UGT1A10: variants seen among roughly 807,000 people sequenced by gnomAD.
UGT1A10 encodes the protein UDP glucuronosyltransferase family 1 member A10.
A neutral mutation model predicts 45.8 loss-of-function variants in UGT1A10; 49 were observed. The observed-to-expected ratio is 1.07, with a 90% confidence interval of 0.85 to 1.36. The LOEUF is 1.36. Ranked by LOEUF, UGT1A10 falls within the 40% of genes most tolerant of loss-of-function variation. The pLI is 0.00. For synonymous variants in UGT1A10, 284 were observed against 249.7 expected, an observed-to-expected ratio of 1.14 and a Z score of -1.29; for missense variants, 745 against 668.6, an observed-to-expected ratio of 1.11 and a Z score of -1.26.
chr2:233,717,657 C>T (rs2076595751), intron 1 of UGT1A10: 1 of 407,814 alleles, frequency 2.5e-6, no homozygotes, highest in South Asian at 1.8e-5. Context: ...GACAAGGAAG[C>T]ATCAGCAATC....
intron 1 of UGT1A10, among the ~76,000 whole-genome samples, chr2:233,659,970 G>A (rs1455673874): frequency 2.6e-5 from 4 of 152,128 alleles, no homozygotes; most frequent in Admixed American, 2.6e-4. Context: ...CTCAGGTGTG[G>A]TGTCTATTAG....
At chr2:233,706,081 C>A (rs1426237626) in intron 1 of UGT1A10, among the ~76,000 whole-genome samples, 2 of 151,228 alleles carry the variant, frequency 1.3e-5, no homozygotes, top group Non-Finnish European at 2.9e-5. Flanking sequence ...GGTGACAGAG[C>A]TAGATTCTGT....
chr2:233,711,393 C>T (rs2076178723), intron 1 of UGT1A10, among the ~76,000 whole-genome samples: 1 of 152,238 alleles, frequency 6.6e-6, no homozygotes, highest in South Asian at 2.1e-4. Context: ...AGGTGTGTTC[C>T]ACCCTCACCC....
chr2:233,690,976 A>T (rs1234875784), intron 1 of UGT1A10: 6 of 1,000,018 alleles, frequency 6.0e-6, no homozygotes, highest in East Asian at 1.1e-4. Flanking sequence ...TAAGAACAGG[A>T]CCCACATATG....
chr2:233,749,047 T>C (rs561305390), intron 1 of UGT1A10, among the ~76,000 whole-genome samples: 1 of 151,806 alleles, frequency 6.6e-6, no homozygotes, highest in Non-Finnish European at 1.5e-5. Flanking sequence ...TGTGGTACTC[T>C]GGGACCTGAA....
At position 233,718,962 on chromosome 2, in the gene UGT1A10, T is replaced by A. The variant is rs2011425; in HGVS notation, c.856-48072T>A. The stretch of plus-strand genomic sequence containing the variant: ...CCCCTGGCTCAGCATGCGGGAGGCC[T>A]TGCGGGAGCTCCATGCCAGAGGCCA... On this transcript the variant is annotated intron_variant, in intron 1 of 4. Coordinates refer to ENST00000344644, the MANE Select transcript of UGT1A10 (RefSeq NM_019075.4). 1.5e-5 allele frequency: 24 copies of A among 1,614,014 alleles called. No individual in the cohort carries two copies. In the South Asian group the frequency reaches 2.6e-4, roughly 18 times the overall value.
rs1379096490 is a variant in UGT1A10 at position 233,719,774 on chromosome 2, C to T, written c.856-47260C>T. ...TTACTTACAAGTGCTTCCATATCTA[C>T]TTATCTTTCCAAAGATTTTATTTTG... On this transcript the variant is annotated intron_variant, in intron 1 of 4. Coordinates refer to ENST00000344644, the MANE Select transcript of UGT1A10 (RefSeq NM_019075.4). 23 of 1,611,342 alleles carry T rather than the reference C, an allele frequency of 1.4e-5. No individual in the cohort carries two copies. The Admixed American group carries it at 3.8e-4, about 27-fold the overall frequency.
At chr2:233,705,964 C>T (rs2075881795) in intron 1 of UGT1A10, among the ~76,000 whole-genome samples, 1 of 152,112 alleles carries the variant, frequency 6.6e-6, no homozygotes, top group Non-Finnish European at 1.5e-5. Context: ...AGGTGCATGC[C>T]TGTGGTTCCG....
At chr2:233,692,541 G>C (rs2075101526) in intron 1 of UGT1A10, among the ~76,000 whole-genome samples, 1 of 152,154 alleles carries the variant, frequency 6.6e-6, no homozygotes, top group African/African-American at 2.4e-5. Context: ...ATTCAGTTCA[G>C]AATGGAATTG....
intron 1 of UGT1A10, among the ~76,000 whole-genome samples, chr2:233,642,767 G>C (rs7569014): frequency 6.6e-6 from 1 of 152,164 alleles, no homozygotes; most frequent in Non-Finnish European, 1.5e-5. Flanking sequence ...TTGCAGACTT[G>C]TAGATGTATT....
At chr2:233,643,149 C>T (rs1169877506) in intron 1 of UGT1A10, among the ~76,000 whole-genome samples, 1 of 152,212 alleles carries the variant, frequency 6.6e-6, no homozygotes, top group Non-Finnish European at 1.5e-5. Flanking sequence ...TGGCAAGGTC[C>T]CCCAGGCCCT....
At chr2:233,671,281 A>G (rs560940311) in intron 1 of UGT1A10, among the ~76,000 whole-genome samples, 5 of 152,346 alleles carry the variant, frequency 3.3e-5, no homozygotes, top group African/African-American at 7.2e-5. Flanking sequence ...TAGGAAAGCC[A>G]TTTAAAATAG....
chr2:233,642,953 C>T (rs906040579), intron 1 of UGT1A10, among the ~76,000 whole-genome samples: 2 of 152,196 alleles, frequency 1.3e-5, no homozygotes, highest in African/African-American at 4.8e-5. Context: ...TGGAGTGACA[C>T]AAGCATCCTT....
At chr2:233,732,938 A>G (rs2078338826) in intron 1 of UGT1A10, among the ~76,000 whole-genome samples, 1 of 152,098 alleles carries the variant, frequency 6.6e-6, no homozygotes, top group South Asian at 2.1e-4. Flanking sequence ...CTTCCTATCC[A>G]TGAGCATGGA....
At chr2:233,760,762 A>G in intron 1 of UGT1A10, 9 of 1,614,056 alleles carry the variant, frequency 5.6e-6, no homozygotes, top group Non-Finnish European at 7.6e-6. Flanking sequence ...TTGCAGCCCC[A>G]TCGTGGCCCA....
At chr2:233,728,419 C>A (rs1433487219) in intron 1 of UGT1A10, among the ~76,000 whole-genome samples, 1 of 152,142 alleles carries the variant, frequency 6.6e-6, no homozygotes, top group Non-Finnish European at 1.5e-5. Context: ...GATAGCAGCA[C>A]CTCTTCTTCC....
chr2:233,765,534 C>G (rs1303263434), intron 1 of UGT1A10, among the ~76,000 whole-genome samples: 1 of 152,060 alleles, frequency 6.6e-6, no homozygotes, highest in African/African-American at 2.4e-5. Context: ...CATGTTCTCA[C>G]TCATAAGTGG....
At chr2:233,720,438 T>C (rs553453091) in intron 1 of UGT1A10, among the ~76,000 whole-genome samples, 3 of 152,172 alleles carry the variant, frequency 2.0e-5, no homozygotes, top group African/African-American at 7.2e-5. Context: ...ACCGTGAATC[T>C]ATAAGCCCAG....
chr2:233,730,800 A>G (rs1400494303), intron 1 of UGT1A10, among the ~76,000 whole-genome samples: 1 of 152,180 alleles, frequency 6.6e-6, no homozygotes, highest in Non-Finnish European at 1.5e-5. Context: ...TGATGAATGG[A>G]CATGCGTCCA....
Sources: gnomAD v4.1 joint callset for allele counts (sites outside exome capture counted in the v4.1 genomes callset) on GRCh38, gnomAD v4.1.1 for gene constraint, MANE v1.5 for transcripts, NCBI Gene and HGNC (gene_info 2026-07-23, HGNC 2026-07-21) for gene names.